The following NDUFS2 variants were observed in gnomAD, a reference collection of about 807,000 sequenced individuals.
The protein encoded by NDUFS2 is NADH:ubiquinone oxidoreductase core subunit S2.
In NDUFS2, 38 loss-of-function variants were observed where a neutral mutation model predicts 69.6. The observed-to-expected ratio is 0.55, with a 90% CI of 0.42 to 0.72. The LOEUF is 0.72. Among genes scored for constraint, NDUFS2 ranks in the 30% least tolerant of loss-of-function variants. The pLI is 0.00. For missense variants in NDUFS2, 468 were observed against 595.0 expected, an observed-to-expected ratio of 0.79 and a Z score of 2.22; for synonymous variants, 194 against 211.2, an observed-to-expected ratio of 0.92 and a Z score of 0.70.
chr1:161,198,158 C>G, upstream of NDUFS2: 2 of 1,614,020 alleles, frequency 1.2e-6, no homozygotes, highest in Non-Finnish European at 1.7e-6. The surrounding 1 kb of genome is among the most constrained non-coding windows in gnomAD (Gnocchi z 4.7). Context: ...GAGTTCAGCC[C>G]CCCGATATTG....
At chr1:161,200,666 T>G (rs1293929304), upstream of NDUFS2, among the ~76,000 whole-genome samples, 2 of 152,024 alleles carry the variant, frequency 1.3e-5, no homozygotes, top group Non-Finnish European at 1.5e-5. Flanking sequence ...GACCCACCAC[T>G]TGCCTGACCC....
At position 161,209,186 on chromosome 1, in the gene NDUFS2, T is replaced by C. The variant is rs774076438; in HGVS notation, c.394-7T>C. The stretch of plus-strand genomic sequence containing the variant: ...TAGATGTGACCCACATTCCTCCCTC[T>C]TCCCAGGCCCTTCCATACTTTGACC... On this transcript the variant is annotated splice_polypyrimidine_tract_variant and splice_region_variant and intron_variant, in intron 3 of 13. Transcript: ENST00000676972. 1 of 1,614,194 alleles carries C rather than the reference T, an allele frequency of 6.2e-7. No individual in the cohort carries two copies. The highest frequency in any genetic ancestry group is 8.5e-7 in the Non-Finnish European group (1 of 1,180,034).
upstream of NDUFS2, chr1:161,199,373 A>G: frequency 6.6e-6 from 1 of 152,432 alleles, no homozygotes; most frequent in Non-Finnish European, 1.5e-5. Context: ...AGATAGGATC[A>G]CGGTCCTGGG....
chr1:161,202,824 C>T (rs918669198), intron 1 of NDUFS2, among the ~76,000 whole-genome samples: 10 of 152,222 alleles, frequency 6.6e-5, no homozygotes, highest in Admixed American at 2.6e-4. Context: ...TTCTCACGTT[C>T]ATATTCACCT....
At position 161,209,610 on chromosome 1, in the gene NDUFS2, A is replaced by G. The variant is rs746717102; in HGVS notation, c.627+15A>G. The G allele has an allele frequency of 6.3e-7, 1 of 1,589,176 alleles. No individual in the cohort carries two copies. The highest frequency in any genetic ancestry group is 2.2e-5 in the East Asian group (1 of 44,746). On this transcript the variant is annotated intron_variant, in intron 5 of 13. Transcript: ENST00000676972. ...AAAGGGAGAAGGTAAGAGTGGGAGG[A>G]AAGGATAGGAATAGGGAAGGAAGTG... is the stretch of plus-strand genomic sequence containing the variant.
At chr1:161,212,122 T>G (rs1665802815) in intron 9 of NDUFS2, among the ~76,000 whole-genome samples, 1 of 151,896 alleles carries the variant, frequency 6.6e-6, no homozygotes, top group Non-Finnish European at 1.5e-5. Flanking sequence ...GGAGGATCAC[T>G]TGAGCCCCAG....
rs1665465049 is a variant in NDUFS2, at chr1:161,206,421, A to G, written c.217A>G (p.Lys73Glu). The G allele has an allele frequency of 1.2e-6, 2 of 1,614,238 alleles. No individual in the cohort carries two copies. Among genetic ancestry groups the G allele is most frequent in the Admixed American group, 1.7e-5 (1 of 60,028 alleles). ...PPPWNDVDPP[K>E]DTIVKNITLN... is the part of the protein sequence containing the mutation. The stretch of plus-strand genomic sequence containing the variant: ...TTACTTCTCAGATGTGGACCCTCCA[A>G]AGGACACAATTGTGAAGAACATTAC... The change falls in exon 3 of 14, where the codon AAG becomes GAG. Residue 73 changes from lysine to glutamate, a missense_variant. Lys to Glu is a moderately conservative substitution (Grantham distance 56). Coordinates refer to ENST00000676972, the MANE Select transcript of NDUFS2 (RefSeq NM_001377299.1).
chr1:161,198,596 C>G, upstream of NDUFS2: 1 of 1,542,506 alleles, frequency 6.5e-7, no homozygotes, highest in Non-Finnish European at 8.8e-7. This position sits in a 1 kb window ranked among gnomAD's most constrained non-coding sequence, Gnocchi z 4.7. Context: ...CCCTGCCAAG[C>G]CCCTCCCGGG....
rs375651203 is a variant in NDUFS2, at chr1:161,206,602, G to T, written c.393+5G>T. On this transcript the variant is annotated splice_donor_5th_base_variant and intron_variant, in intron 3 of 13. Coordinates refer to ENST00000676972, the MANE Select transcript of NDUFS2 (RefSeq NM_001377299.1). ...GAATACAAGACCTATCTTCAGGTGT[G>T]GGGGGTGAACAGGAGCCTTTTGGCG... 1.4e-5 allele frequency: 22 copies of T among 1,612,400 alleles called. No individual in the cohort carries two copies. Among genetic ancestry groups the T allele is most frequent in the African/African-American group, 4.0e-5 (3 of 74,902 alleles).
At chr1:161,198,304 T>C (rs764416631), upstream of NDUFS2, 1 of 1,613,400 alleles carries the variant, frequency 6.2e-7, no homozygotes, top group African/African-American at 1.3e-5. The surrounding 1 kb of genome is among the most constrained non-coding windows in gnomAD (Gnocchi z 4.7). Context: ...GGTACTGCAC[T>C]GTCAGCCCCT....
intron 13 of NDUFS2, 25 bp downstream of exon 13, chr1:161,213,946 G>A (rs774097832): frequency 8.7e-6 from 14 of 1,614,012 alleles, no homozygotes; most frequent in Non-Finnish European, 1.2e-5. Context: ...GTGTAGTAGA[G>A]GTATCCTAGA....
upstream of NDUFS2, chr1:161,202,361 T>C (rs757124698): frequency 3.7e-6 from 6 of 1,600,894 alleles, no homozygotes; most frequent in South Asian, 1.1e-5. Context: ...CGGTTCTCCT[T>C]CCCGCAGTCT....
upstream of NDUFS2, chr1:161,198,080 C>T (rs761754528): frequency 7.8e-5 from 125 of 1,611,936 alleles, no homozygotes; most frequent in Non-Finnish European, 9.9e-5. The surrounding 1 kb of genome is among the most constrained non-coding windows in gnomAD (Gnocchi z 4.7). Context: ...AGGACTCTTC[C>T]GGCGTAGGAT....
chr1:161,205,422 GCTT>G (rs968193471), intron 2 of NDUFS2, among the ~76,000 whole-genome samples: 2 of 152,142 alleles, frequency 1.3e-5, no homozygotes, highest in East Asian at 1.9e-4. Context: ...AGCCTGGAAT[GCTT>G]CTTCTCCCTT....
At chr1:161,213,949 A>G in intron 13 of NDUFS2, 28 bp downstream of exon 13, 1 of 1,614,144 alleles carries the variant, frequency 6.2e-7, no homozygotes, top group Non-Finnish European at 8.5e-7. Flanking sequence ...TAGTAGAGGT[A>G]TCCTAGACAA....
At position 161,209,588 on chromosome 1, in the gene NDUFS2, G is replaced by C; in HGVS notation, c.620G>C (p.Arg207Thr). 1 of 1,610,776 alleles carries C rather than the reference G, an allele frequency of 6.2e-7. No individual in the cohort carries two copies. Reference protein sequence around the residue: ...MTPFFWLFEEREKMFEFYERV... With the variant: ...MTPFFWLFEETEKMFEFYERV... Reference sequence around the variant, plus strand: ...CCTTTCTTCTGGCTGTTTGAAGAAAGGGAGAAGGTAAGAGTGGGAGGAAAG... The same window carrying C: ...CCTTTCTTCTGGCTGTTTGAAGAAACGGAGAAGGTAAGAGTGGGAGGAAAG... The change falls in exon 5 of 14, where the codon AGG (arginine) becomes ACG (threonine). Residue 207 changes from arginine (R) to threonine (T), a missense_variant. Transcript: ENST00000676972.
chr1:161,202,520 C>T, intron 1 of NDUFS2, 40 bp downstream of exon 1: 1 of 1,570,716 alleles, frequency 6.4e-7, no homozygotes, highest in Non-Finnish European at 8.7e-7. Context: ...TTCTCCAAGG[C>T]TAGGGTTTCT....
At chr1:161,209,397 A>C in intron 4 of NDUFS2, 84 bp downstream of exon 4, 1 of 1,609,586 alleles carries the variant, frequency 6.2e-7, no homozygotes, top group Non-Finnish European at 8.5e-7. Flanking sequence ...ACCCAAGCTT[A>C]GTGTTCAGAC....
upstream of NDUFS2, chr1:161,198,421 G>GC: frequency 6.3e-7 from 1 of 1,599,092 alleles, no homozygotes; most frequent in South Asian, 1.1e-5. This position sits in a 1 kb window ranked among gnomAD's most constrained non-coding sequence, Gnocchi z 4.7. Flanking sequence ...GCAGGACGCT[G>GC]CCGTTGAGCT....
Sources: gnomAD v4.1 joint callset for allele counts (sites outside exome capture counted in the v4.1 genomes callset) on GRCh38, gnomAD v4.1.1 for gene constraint, Gnocchi (gnomAD v3.1) non-coding constraint, MANE v1.5 for transcripts, NCBI Gene and HGNC (gene_info 2026-07-23, HGNC 2026-07-21) for gene names.